The following SUCLG1 variants were observed in gnomAD, a reference collection of about 807,000 sequenced individuals.
The protein encoded by SUCLG1 is succinate--CoA ligase [ADP/GDP-forming] subunit alpha, mitochondrial.
In SUCLG1, 26 loss-of-function variants were observed where a neutral mutation model predicts 37.3. The observed-to-expected ratio is 0.70, with a 90% CI of 0.51 to 0.97. The LOEUF is 0.97. SUCLG1 is among the 50% of genes least tolerant of loss of function. The pLI is 0.00. For synonymous variants in SUCLG1, 163 were observed against 155.6 expected, an observed-to-expected ratio of 1.05 and a Z score of -0.36; for missense variants, 433 against 432.9, an observed-to-expected ratio of 1.00 and a Z score of 0.00.
chr2:84,425,275 G>T, intron 8 of SUCLG1, 140 bp downstream of exon 8: 1 of 933,694 alleles, frequency 1.1e-6, no homozygotes, highest in Non-Finnish European at 1.7e-6. Context: ...CATCAATAGA[G>T]TTGATACAAA....
intron 1 of SUCLG1, among the ~76,000 whole-genome samples, chr2:84,456,164 C>T (rs534548232): frequency 6.6e-6 from 1 of 152,036 alleles, no homozygotes; most frequent in South Asian, 2.1e-4. Context: ...ACGCACTTGG[C>T]AAACACGGGG....
intron 8 of SUCLG1, 106 bp downstream of exon 8, chr2:84,425,309 C>A: frequency 1.4e-6 from 2 of 1,381,716 alleles, no homozygotes; most frequent in Non-Finnish European, 2.0e-6. Flanking sequence ...CATCAGAAAA[C>A]CAATTAAGTC....
In SUCLG1 at chr2:84,431,726, A is replaced by G. The variant is rs1317801291; in HGVS notation, c.674-67T>C. On this transcript the variant is annotated intron_variant, in intron 6 of 8. Coordinates refer to ENST00000393868, the MANE Select transcript of SUCLG1 (RefSeq NM_003849.4). ...TGAACCATGGAATTTAGGTCAATAA[A>G]TGTTTTTAACTAGTTTGTCATTTTT... 3 of 1,554,570 alleles carry G rather than the reference A, an allele frequency of 1.9e-6. No homozygotes were observed. The African/African-American group carries it at 4.1e-5, about 21-fold the overall frequency.
At position 84,434,446 on chromosome 2, in the gene SUCLG1, T is replaced by G. The variant is rs547184647; in HGVS notation, c.590-1011A>C. Among the ~76,000 whole-genome samples, 14 of 152,310 alleles carry G rather than the reference T, an allele frequency of 9.2e-5. No homozygotes were observed. The South Asian group carries it at 2.9e-3, about 32-fold the overall frequency. On this transcript the variant is annotated intron_variant, in intron 5 of 8. Transcript: ENST00000393868. ...AAAGCACTTAATTTCACATCTGGAT[T>G]AGGTGTGCGCCGAGGGAGGAGAGCC...
intron 5 of SUCLG1, 87 bp from the exon 6 acceptor site, chr2:84,433,522 G>C: frequency 9.7e-7 from 1 of 1,035,826 alleles, no homozygotes; most frequent in Non-Finnish European, 1.5e-6. Context: ...CACTTCGAGT[G>C]ACTAACATAG....
At chr2:84,425,815 C>T in intron 7 of SUCLG1, 1 of 602,568 alleles carries the variant, frequency 1.7e-6, no homozygotes, top group Non-Finnish European at 2.9e-6. Flanking sequence ...GAATACAACA[C>T]TGTGCCAATG....
intron 3 of SUCLG1, among the ~76,000 whole-genome samples, chr2:84,442,294 A>G (rs1470973005): frequency 6.6e-6 from 1 of 152,188 alleles, no homozygotes; most frequent in Non-Finnish European, 1.5e-5. Flanking sequence ...TAAGGCAGGA[A>G]GGACTTTAAA....
At chr2:84,441,023 T>C (rs368319099) in intron 5 of SUCLG1, 24 bp downstream of exon 5, 262 of 1,611,992 alleles carry the variant, frequency 1.6e-4, no homozygotes, top group Non-Finnish European at 2.0e-4. Context: ...TTTTAATCTA[T>C]AAGAATGTAA....
At chr2:84,451,491 AG>A (rs1328347091) in intron 1 of SUCLG1, among the ~76,000 whole-genome samples, 1 of 152,244 alleles carries the variant, frequency 6.6e-6, no homozygotes, top group East Asian at 1.9e-4. Flanking sequence ...CAGGAGCAGA[AG>A]TCACCCTGAG....
rs1391617365 is a variant in SUCLG1, at chr2:84,426,968, T to C, written c.826-1365A>G. The C allele has an allele frequency of 2.0e-5, 3 of 153,418 alleles. No individual in the cohort carries two copies. The East Asian group carries it at 5.8e-4, about 30-fold the overall frequency. The allele number at this position is 153,418 out of a possible 1,614,324, so 9.5% of individuals were successfully genotyped here. A position where few individuals can be genotyped will look rare whatever the true frequency, so the allele number is the denominator to read the frequency against. On this transcript the variant is annotated intron_variant, in intron 7 of 8. Transcript: ENST00000393868. ...ATTATATCTAATGATATTTAGTATA[T>C]TAGAAATTAAAACAAATTTTATAAA...
rs920059452 is a variant in SUCLG1, at chr2:84,423,622, A to G, written c.*124T>C. On this transcript the variant is annotated 3_prime_UTR_variant, in exon 9 of 9. Transcript: ENST00000393868. ...CATCTTCCACCTTGTTTTGGCTTCC[A>G]GTTGTACTGCAAGACCAGTGTCAGG... 5 of 972,630 alleles carry G rather than the reference A, an allele frequency of 5.1e-6. No individual in the cohort carries two copies. Among genetic ancestry groups the G allele is most frequent in the Non-Finnish European group, 8.1e-6 (5 of 619,826 alleles). 60.2% of individuals were successfully genotyped at this position (972,630 alleles called of 1,614,324 possible). A position where few individuals can be genotyped will look rare whatever the true frequency, so the allele number is the denominator to read the frequency against.
intron 7 of SUCLG1, chr2:84,426,773 T>C (rs2104238311): frequency 6.6e-6 from 1 of 152,098 alleles, no homozygotes. Flanking sequence ...AGGAACCAGG[T>C]AAAACAGAGA....
chr2:84,448,460 T>C (rs1228999773), intron 2 of SUCLG1, among the ~76,000 whole-genome samples: 2 of 142,132 alleles, frequency 1.4e-5, no homozygotes, highest in Non-Finnish European at 3.0e-5. Flanking sequence ...ATTACCAAAA[T>C]ACTGAAGAAT....
intron 2 of SUCLG1, among the ~76,000 whole-genome samples, chr2:84,448,170 G>GAAAA (rs60206307): frequency 4.7e-4 from 65 of 137,706 alleles, no homozygotes; most frequent in Non-Finnish European, 7.6e-4. Flanking sequence ...AGTTATTTCA[G>GAAAA]AAAAAAAAAA....
chr2:84,437,825 C>T (rs934325772), intron 5 of SUCLG1, among the ~76,000 whole-genome samples: 31 of 152,164 alleles, frequency 2.0e-4, no homozygotes, highest in African/African-American at 7.2e-4. Flanking sequence ...TGTCTCTCAA[C>T]AGGTGAATGG....
chr2:84,454,886 A>G (rs992803423), intron 1 of SUCLG1, among the ~76,000 whole-genome samples: 2 of 152,162 alleles, frequency 1.3e-5, no homozygotes, highest in Non-Finnish European at 2.9e-5. Flanking sequence ...CTCCTAACCA[A>G]TAACCCAAGG....
Position 84,425,578 on chromosome 2 carries a change from G to A in SUCLG1, c.851C>T (p.Ser284Phe), listed in dbSNP as rs796052052. The A allele has an allele frequency of 3.7e-6, 6 of 1,614,052 alleles. No homozygotes were observed. The African/African-American group carries it at 4.0e-5, about 11-fold the overall frequency. ...AGGAGCAGTTAAACCAGCAATGAAG[G>A]ACACTACAGGCTTGGAATTTGGACC... ...NSGPNSKPVV[S>F]FIAGLTAPPG... is the part of the protein sequence containing the mutation. The change falls in exon 8 of 9, where the codon TCC (serine) becomes TTC (phenylalanine). Residue 284 changes from serine (S) to phenylalanine (F), a missense_variant. Physicochemically the swap from Ser to Phe is radical, Grantham distance 155 (BLOSUM62 -2). Transcript: ENST00000393868.
At position 84,433,378 on chromosome 2, in the gene SUCLG1, ACTT is replaced by A. The variant is rs749553499; in HGVS notation, c.644_646del (p.Gln215_Val216delinsLeu). 2 of 1,613,994 alleles carry A rather than the reference ACTT, an allele frequency of 1.2e-6. No homozygotes were observed. The highest frequency in any genetic ancestry group is 2.2e-5 in the South Asian group (2 of 91,082). The stretch of plus-strand genomic sequence containing the variant: ...AACGCACAAAGACTGCCCCAATCCA[ACTT>A]GCGTTGTTTGGTGAACTGCTTCATA... On this transcript the variant is annotated inframe_deletion, in exon 6 of 9. Coordinates refer to ENST00000393868, the MANE Select transcript of SUCLG1 (RefSeq NM_003849.4).
At chr2:84,454,774 T>C (rs1672993797) in intron 1 of SUCLG1, among the ~76,000 whole-genome samples, 1 of 152,208 alleles carries the variant, frequency 6.6e-6, no homozygotes, top group African/African-American at 2.4e-5. Context: ...TAGTAACACA[T>C]CATTTATAAA....
Sources: allele counts gnomAD v4.1 joint callset (sites outside exome capture counted in the v4.1 genomes callset), GRCh38; gene constraint gnomAD v4.1.1; transcripts MANE v1.5; gene names NCBI Gene and HGNC (gene_info 2026-07-23, HGNC 2026-07-21).